SH2B2: variants seen among roughly 807,000 people sequenced by gnomAD.
The protein encoded by SH2B2 is SH2B adaptor protein 2, also known as SH2B adapter protein 2.
SH2B2 carries 37 observed loss-of-function variants against 35.7 expected under a neutral mutation model. That is an observed-to-expected ratio of 1.04 (90% CI 0.80 to 1.36). The LOEUF (loss-of-function observed/expected upper bound fraction) is 1.36, where lower values mean the gene tolerates loss of function less well. SH2B2 is among the 40% of genes most tolerant of loss of function. The probability of loss-of-function intolerance (pLI) is 0.00; values close to 1 mark genes in which losing one functional copy is unlikely to be tolerated. For missense variants in SH2B2, 852 were observed against 817.7 expected (o/e 1.04, Z -0.51); for synonymous variants, 383 against 376.4 (o/e 1.02, Z -0.20).
intron 6 of SH2B2, among the ~76,000 whole-genome samples, chr7:102,315,592 C>T (rs933435207): frequency 2.6e-5 from 4 of 151,818 alleles, no homozygotes; most frequent in South Asian, 2.1e-4. Flanking sequence ...TGAGCCACCA[C>T]GCCTGGCCAC....
chr7:102,310,418 G>A (rs1793576056), intron 4 of SH2B2, among the ~76,000 whole-genome samples: 1 of 152,208 alleles, frequency 6.6e-6, no homozygotes, highest in African/African-American at 2.4e-5. Flanking sequence ...AGGAGATTTT[G>A]ATGAGAGCTC....
Position 102,301,021 on chromosome 7 carries a change from G to T in SH2B2, c.471G>T (p.Ser157=). 7.2e-7 allele frequency: 1 copy of T among 1,391,012 alleles called. No homozygotes were observed. Among genetic ancestry groups the T allele is most frequent in the Non-Finnish European group, 9.3e-7 (1 of 1,075,000 alleles). 86.2% of individuals were successfully genotyped at this position (1,391,012 alleles called of 1,614,324 possible). The change falls in exon 2 of 9, where the codon TCG becomes TCT. Residue 157 remains serine (S), a synonymous_variant. Coordinates refer to ENST00000444095, the MANE Select transcript of SH2B2 (RefSeq NM_001359228.2). Reference sequence around the variant, plus strand: ...GCGACATGTGGCACCGGCGCGCCTCGCCCGAGCCCGACGCGGCAGCTGCCC... The same window carrying T: ...GCGACATGTGGCACCGGCGCGCCTCTCCCGAGCCCGACGCGGCAGCTGCCC... ...GVRDMWHRRA[S]PEPDAAAAPR... is the part of the protein sequence containing the mutation.
At chr7:102,285,347 C>A, upstream of SH2B2, 1 of 926,650 alleles carries the variant, frequency 1.1e-6, no homozygotes, top group Non-Finnish European at 1.7e-6. Flanking sequence ...TTCTCCCACT[C>A]TCGGGCACCC....
intron 4 of SH2B2, among the ~76,000 whole-genome samples, chr7:102,313,173 G>A (rs976757058): frequency 1.3e-5 from 2 of 149,356 alleles, no homozygotes; most frequent in South Asian, 2.1e-4. Flanking sequence ...GCGGCCAGGT[G>A]CAGTGGCTCA....
At chr7:102,310,634 G>A (rs183976545) in intron 4 of SH2B2, among the ~76,000 whole-genome samples, 5 of 152,126 alleles carry the variant, frequency 3.3e-5, no homozygotes, top group South Asian at 2.1e-4. Context: ...GCCAAGCCCC[G>A]GGGGGAAGGG....
chr7:102,320,964 C>T (rs1427053252), intron 8 of SH2B2, among the ~76,000 whole-genome samples: 1 of 148,218 alleles, frequency 6.7e-6, no homozygotes, highest in African/African-American at 2.7e-5. Context: ...CGTACGCTTA[C>T]GTGTGCGTGT....
chr7:102,308,482 G>A (rs1244032646), intron 3 of SH2B2, among the ~76,000 whole-genome samples: 2 of 152,348 alleles, frequency 1.3e-5, no homozygotes, highest in Admixed American at 1.3e-4. Context: ...CCAGGGCATG[G>A]GTTGGGGATG....
In SH2B2 at chr7:102,317,216, G is replaced by A; in HGVS notation, c.1216G>A (p.Ala406Thr). Reference protein sequence around the residue: ...GEQGAETDPEAEPELELSDYP... With the variant: ...GEQGAETDPETEPELELSDYP... ...ACAGGGTGCAGAGACGGATCCCGAG[G>A]CTGAACCCGAGCTGGAGCTATCCGA... The change falls in exon 7 of 9, where the codon GCT becomes ACT. Residue 406 changes from alanine to threonine, a missense_variant. Ala to Thr is a moderately conservative substitution (Grantham distance 58, BLOSUM62 0). Around this residue, in one of 3 missense-constraint regions of SH2B2, gnomAD observed 556 missense variants for 514.5 expected, o/e 1.08. Transcript: ENST00000444095. The A allele has an allele frequency of 6.2e-7, 1 of 1,609,232 alleles. No individual in the cohort carries two copies. Among genetic ancestry groups the A allele is most frequent in the South Asian group, 1.1e-5 (1 of 90,002 alleles).
intron 7 of SH2B2, among the ~76,000 whole-genome samples, chr7:102,319,499 C>T (rs1554557789): frequency 6.6e-6 from 1 of 152,118 alleles, no homozygotes; most frequent in African/African-American, 2.4e-5. Context: ...CTCAGTCTCC[C>T]AAAGTGCTGG....
chr7:102,317,533 T>TC, intron 7 of SH2B2, 138 bp downstream of exon 7: 1 of 756,720 alleles, frequency 1.3e-6, no homozygotes, highest in Admixed American at 3.1e-5. Context: ...CGGGCCCCAC[T>TC]CACCCCAGCC....
rs370964443 is a variant in SH2B2 at position 102,308,809 on chromosome 7, C to A, written c.832-6C>A. ...GTTCTGCACTCCCGGCCACCTTCCT[C>A]CCCAGGTAGAGAATGGAGCCGAATA... On this transcript the variant is annotated splice_region_variant and splice_polypyrimidine_tract_variant and intron_variant, in intron 3 of 8. Transcript: ENST00000444095. 3.8e-5 allele frequency: 61 copies of A among 1,612,478 alleles called. No homozygotes were observed. The highest frequency in any genetic ancestry group is 5.1e-5 in the Non-Finnish European group (60 of 1,178,866).
At chr7:102,315,477 C>T (rs1235105873) in intron 6 of SH2B2, among the ~76,000 whole-genome samples, 3 of 151,894 alleles carry the variant, frequency 2.0e-5, no homozygotes, top group East Asian at 2.0e-4. Context: ...TACTGGTGCC[C>T]GCCACCTCGC....
At chr7:102,292,530 C>CA (rs34275327) in intron 1 of SH2B2, among the ~76,000 whole-genome samples, 39,679 of 112,856 alleles carry the variant, frequency 0.35, 6,182 homozygotes, top group Middle Eastern at 0.41. Context: ...GACTCCGTCT[C>CA]AAAAAAAAAA....
At chr7:102,318,361 A>T (rs1384888738) in intron 7 of SH2B2, among the ~76,000 whole-genome samples, 1 of 151,114 alleles carries the variant, frequency 6.6e-6, no homozygotes, top group East Asian at 1.9e-4. Context: ...CTGGTCTCAA[A>T]CTCCTGACCT....
intron 1 of SH2B2, among the ~76,000 whole-genome samples, chr7:102,296,702 A>G (rs1792933336): frequency 6.6e-6 from 1 of 152,218 alleles, no homozygotes; most frequent in African/African-American, 2.4e-5. Context: ...TGGGGATTCA[A>G]AATCGGATTT....
At chr7:102,306,845 A>T in intron 3 of SH2B2, 23 bp downstream of exon 3, 1 of 1,530,896 alleles carries the variant, frequency 6.5e-7, no homozygotes, top group Non-Finnish European at 8.9e-7. Context: ...CCCTAACCTC[A>T]GAGATCCTCC....
At chr7:102,293,995 G>T (rs1208598278) in intron 1 of SH2B2, among the ~76,000 whole-genome samples, 1 of 152,106 alleles carries the variant, frequency 6.6e-6, no homozygotes, top group Non-Finnish European at 1.5e-5. Context: ...GGGGAGAGCA[G>T]TATAGGGAAG....
chr7:102,287,019 C>T lies in SH2B2; in HGVS notation c.-105C>T, dbSNP rs1792482337. 1 of 151,272 alleles carries T rather than the reference C, an allele frequency of 6.6e-6. No individual in the cohort carries two copies. Among genetic ancestry groups the T allele is most frequent in the African/African-American group, 2.4e-5 (1 of 41,276 alleles). 9.4% of individuals were successfully genotyped at this position (151,272 alleles called of 1,614,324 possible). ...CGCCGCGGGCCATGAGCCACCGGGC[C>T]CGGGGAGCCCGGCCGCGGTCCGGGC... is the stretch of plus-strand genomic sequence containing the variant. On this transcript the variant is annotated 5_prime_UTR_variant, in exon 1 of 9. Coordinates refer to ENST00000444095, the MANE Select transcript of SH2B2 (RefSeq NM_001359228.2).
rs563335983 is a variant in SH2B2 at position 102,308,716 on chromosome 7, G to A, written c.832-99G>A. On this transcript the variant is annotated intron_variant, in intron 3 of 8. Coordinates refer to ENST00000444095, the MANE Select transcript of SH2B2 (RefSeq NM_001359228.2). ...CATGCCCTTGAGCCCTGCTGTGGGA[G>A]AGGGGGATCAGCCATTTGAGCCACT... is the stretch of plus-strand genomic sequence containing the variant. 3.0e-5 allele frequency: 26 copies of A among 855,388 alleles called. No individual in the cohort carries two copies. In the South Asian group the frequency reaches 3.2e-4, roughly 11 times the overall value. The allele number at this position is 855,388 out of a possible 1,614,324, so 53.0% of individuals were successfully genotyped here.
Sources: gnomAD v4.1 joint callset for allele counts (sites outside exome capture counted in the v4.1 genomes callset) on GRCh38, gnomAD v4.1.1 for gene constraint, gnomAD v4.1.1 regional missense constraint, MANE v1.5 for transcripts, NCBI Gene and HGNC (gene_info 2026-07-23, HGNC 2026-07-21) for gene names.